GALP: variants seen among roughly 807,000 people sequenced by gnomAD.
The protein encoded by GALP is galanin like peptide, also known as galanin-like peptide.
A neutral mutation model predicts 15.2 loss-of-function variants in GALP; 12 were observed. The ratio of observed to expected loss-of-function variants is 0.79; its 90% CI spans 0.51 to 1.28. GALP has a LOEUF of 1.28. Ranked by LOEUF, GALP falls within the 50% of genes most tolerant of loss-of-function variation. The pLI is 0.00. For missense variants in GALP, 161 were observed against 145.6 expected (o/e 1.11, Z -0.55); for synonymous variants, 58 against 55.1 (o/e 1.05, Z -0.23).
At chr19:56,183,368 C>G (rs1252368125) in intron 5 of GALP, among the ~76,000 whole-genome samples, 156 bp downstream of exon 5, 2 of 152,164 alleles carry the variant, frequency 1.3e-5, no homozygotes, top group Non-Finnish European at 2.9e-5. Context: ...GACCACTCAG[C>G]CTCGACTGTG....
intron 5 of GALP, among the ~76,000 whole-genome samples, chr19:56,184,808 T>C (rs910963949): frequency 2.6e-5 from 4 of 152,040 alleles, no homozygotes; most frequent in Non-Finnish European, 5.9e-5. Flanking sequence ...ACTCAATTCC[T>C]GGAGACGCCA....
At chr19:56,178,134 C>T (rs35935265) in intron 2 of GALP, among the ~76,000 whole-genome samples, 47,992 of 150,626 alleles carry the variant, frequency 0.32, 7,933 homozygotes, top group African/African-American at 0.4. Context: ...TTGTGCACCA[C>T]GCCTGCATTT....
rs373774489 is a variant in GALP, at chr19:56,177,958, G to A, written c.87+763G>A. Among the ~76,000 whole-genome samples the A allele has an allele frequency of 1.6e-4, 25 of 152,234 alleles. No homozygotes were observed. The East Asian group carries it at 4.6e-3, about 28-fold the overall frequency. On this transcript the variant is annotated intron_variant, in intron 2 of 5. Transcript: ENST00000357330. ...GGAAATAAACTAGATCTCTGGTACA[G>A]CATGGTGGCTGTTGTTCATAACAAT...
intron 5 of GALP, among the ~76,000 whole-genome samples, chr19:56,183,692 T>G (rs1386559995): frequency 6.6e-6 from 1 of 152,042 alleles, no homozygotes; most frequent in Non-Finnish European, 1.5e-5. Flanking sequence ...CCACCTTCCG[T>G]GTTCAAGCGA....
chr19:56,180,880 G>GCT (rs1156746874), intron 3 of GALP, among the ~76,000 whole-genome samples: 1 of 142,538 alleles, frequency 7.0e-6, no homozygotes, highest in Non-Finnish European at 1.5e-5. Context: ...TCTCTCTCTC[G>GCT]CTCTCTCACT....
Position 56,185,576 on chromosome 19 carries a change from G to T in GALP, c.*306G>T, listed in dbSNP as rs529069651. The T allele has an allele frequency of 7.0e-5, 17 of 242,900 alleles. No homozygotes were observed. The highest frequency in any genetic ancestry group is 5.7e-4 in the South Asian group (5 of 8,758). 15.0% of individuals were successfully genotyped at this position (242,900 alleles called of 1,614,324 possible). ...CATTTAAAGGAATTGTGTTCTTTTG[G>T]AATCATCCCAATTATAACACGAGCT... On this transcript the variant is annotated 3_prime_UTR_variant, in exon 6 of 6. Transcript: ENST00000357330.
intron 1 of GALP, 126 bp downstream of exon 1, chr19:56,176,188 A>C (rs2032454847): frequency 6.0e-6 from 1 of 166,608 alleles, no homozygotes; most frequent in Non-Finnish European, 1.3e-5. Context: ...AGGAGGGCAG[A>C]GGGGCGGATG....
At chr19:56,180,801 G>A (rs2032550773) in intron 3 of GALP, among the ~76,000 whole-genome samples, 167 bp downstream of exon 3, 1 of 151,756 alleles carries the variant, frequency 6.6e-6, no homozygotes, top group African/African-American at 2.4e-5. Flanking sequence ...TGGGTGTGTG[G>A]ACTCTGGAGC....
chr19:56,183,106 G>A (rs1475404399), intron 4 of GALP, 29 bp from the exon 5 acceptor site: 1 of 1,487,552 alleles, frequency 6.7e-7, no homozygotes, highest in Non-Finnish European at 9.4e-7. Context: ...CTACGAACGT[G>A]TGTGTGAATG....
Position 56,183,049 on chromosome 19 carries a change from C to G in GALP, c.218-86C>G. ...CGGGAAGGACCCAGTGTCTCTTGCTCCCGTCTTTGTGTCTGTGTGTTCTCA... is the reference window on the plus strand; with the variant it reads ...CGGGAAGGACCCAGTGTCTCTTGCTGCCGTCTTTGTGTCTGTGTGTTCTCA... On this transcript the variant is annotated intron_variant, in intron 4 of 5. Transcript: ENST00000357330. The G allele has an allele frequency of 4.3e-6, 4 of 937,342 alleles. 1 individual carries two copies. Among genetic ancestry groups the G allele is most frequent in the Non-Finnish European group, 5.1e-6 (3 of 583,676 alleles). The allele number at this position is 937,342 out of a possible 1,614,324, so 58.1% of individuals were successfully genotyped here.
At chr19:56,182,614 G>C (rs2032585923) in intron 4 of GALP, among the ~76,000 whole-genome samples, 1 of 152,144 alleles carries the variant, frequency 6.6e-6, no homozygotes, top group Admixed American at 6.6e-5. Flanking sequence ...GAAGTGTCTG[G>C]CATATGGTAG....
At chr19:56,178,452 T>G (rs8108138) in intron 2 of GALP, among the ~76,000 whole-genome samples, 52,339 of 137,198 alleles carry the variant, frequency 0.38, 9,726 homozygotes, top group African/African-American at 0.5. Context: ...GAAAGAGCAA[T>G]AACCCATCTC....
At chr19:56,183,988 C>T (rs2032612403) in intron 5 of GALP, among the ~76,000 whole-genome samples, 1 of 151,278 alleles carries the variant, frequency 6.6e-6, no homozygotes, top group African/African-American at 2.4e-5. Flanking sequence ...AGGAGTCCCT[C>T]TCTATTGCCC....
chr19:56,183,076 C>A, intron 4 of GALP, 59 bp from the exon 5 acceptor site: 1 of 1,210,958 alleles, frequency 8.3e-7, no homozygotes, highest in Non-Finnish European at 1.2e-6. Flanking sequence ...GTGTTCTCAT[C>A]GTTTAGCTCC....
At chr19:56,182,593 T>G (rs2032585688) in intron 4 of GALP, among the ~76,000 whole-genome samples, 1 of 152,180 alleles carries the variant, frequency 6.6e-6, no homozygotes, top group African/African-American at 2.4e-5. Flanking sequence ...AAAATGCACG[T>G]TAATTTCCTA....
At chr19:56,177,477 C>T (rs1449786288) in intron 2 of GALP, among the ~76,000 whole-genome samples, 1 of 148,922 alleles carries the variant, frequency 6.7e-6, no homozygotes, top group African/African-American at 2.5e-5. Context: ...TGCCACTGCA[C>T]TCCAGCCTGG....
At chr19:56,177,328 G>A in intron 2 of GALP, 133 bp downstream of exon 2, 1 of 738,904 alleles carries the variant, frequency 1.4e-6, no homozygotes. Context: ...AATATGAGAA[G>A]AAATATTGCG....
intron 2 of GALP, among the ~76,000 whole-genome samples, chr19:56,178,912 C>G (rs1008475864): frequency 9.2e-5 from 14 of 152,332 alleles, no homozygotes; most frequent in African/African-American, 3.1e-4. Context: ...CGGTGGCTCA[C>G]GCCTGCAATC....
intron 5 of GALP, among the ~76,000 whole-genome samples, chr19:56,184,484 C>CTTT (rs11414322): frequency 0.037 from 4,371 of 117,586 alleles, 283 homozygotes; most frequent in East Asian, 0.21. Flanking sequence ...TTTTCTTTTT[C>CTTT]TTTTTTTTTT....
Sources: allele counts gnomAD v4.1 joint callset (sites outside exome capture counted in the v4.1 genomes callset), GRCh38; gene constraint gnomAD v4.1.1; transcripts MANE v1.5; gene names NCBI Gene and HGNC (gene_info 2026-07-23, HGNC 2026-07-21).